The following AFAP1 variants were observed in gnomAD, a reference collection of about 807,000 sequenced individuals.
The protein encoded by AFAP1 is actin filament associated protein 1, also known as actin filament-associated protein 1.
Under a neutral mutation model 93.9 loss-of-function variants are expected in AFAP1, and 75 were observed. The ratio of observed to expected loss-of-function variants is 0.80; its 90% CI spans 0.66 to 0.97. The LOEUF (loss-of-function observed/expected upper bound fraction) is 0.97, where lower values mean the gene tolerates loss of function less well. AFAP1 is among the 50% of genes least tolerant of loss of function. The probability of loss-of-function intolerance (pLI) is 0.00; values close to 1 mark genes in which losing one functional copy is unlikely to be tolerated. For synonymous variants in AFAP1, 517 were observed against 430.7 expected (o/e 1.20, Z -2.48); for missense variants, 1,201 against 1,050.8 (o/e 1.14, Z -1.98).
At chr4:7,921,341 G>A (rs1577361190) in intron 1 of AFAP1, among the ~76,000 whole-genome samples, 2 of 151,838 alleles carry the variant, frequency 1.3e-5, no homozygotes, top group Non-Finnish European at 1.5e-5. Flanking sequence ...CCGCCACCAC[G>A]CCTGGCTAAT....
intron 17 of AFAP1, among the ~76,000 whole-genome samples, chr4:7,764,754 C>A (rs773233535): frequency 1.3e-5 from 2 of 152,120 alleles, no homozygotes; most frequent in Non-Finnish European, 2.9e-5. Flanking sequence ...GCACTGGGTG[C>A]GGCTATGTCT....
intron 9 of AFAP1, among the ~76,000 whole-genome samples, chr4:7,806,575 T>C (rs1719534924): frequency 1.3e-5 from 2 of 152,182 alleles, no homozygotes; most frequent in South Asian, 4.1e-4. Flanking sequence ...AGACTCAACT[T>C]GGCAGGCTCA....
At chr4:7,904,816 C>A (rs548402203) in intron 1 of AFAP1, among the ~76,000 whole-genome samples, 92 of 152,110 alleles carry the variant, frequency 6.0e-4, no homozygotes, top group African/African-American at 2.0e-3. Context: ...AAGAGATTCT[C>A]GCACCTCAGC....
Position 7,868,670 on chromosome 4 carries a change from C to G in AFAP1, c.177G>C (p.Leu59=). The G allele has an allele frequency of 6.2e-7, 1 of 1,613,398 alleles. No homozygotes were observed. The highest frequency in any genetic ancestry group is 8.5e-7 in the Non-Finnish European group (1 of 1,179,912). ...HAQKQETANS[L]PAPPQMPLPE... ...GCAGGGGCATCTGAGGAGGGGCTGG[C>G]AGGCTGTTAGCGGTCTCCTGCTTCT... Residue 59 remains leucine (L), a synonymous_variant, in exon 3 of 18, where the codon CTG becomes CTC. Coordinates refer to ENST00000420658, the MANE Select transcript of AFAP1 (RefSeq NM_001134647.2).
At chr4:7,881,003 T>C (rs527502443) in intron 1 of AFAP1, among the ~76,000 whole-genome samples, 188 of 152,312 alleles carry the variant, frequency 1.2e-3, no homozygotes, top group African/African-American at 4.1e-3. Flanking sequence ...AGGGCCTTGC[T>C]ACAACCAACA....
At chr4:7,880,276 G>GA (rs1560217324) in intron 1 of AFAP1, among the ~76,000 whole-genome samples, 1 of 123,082 alleles carries the variant, frequency 8.1e-6, no homozygotes, top group Non-Finnish European at 1.6e-5. Context: ...GAACCCAAAT[G>GA]CCTTTTTTTT....
intron 17 of AFAP1, among the ~76,000 whole-genome samples, chr4:7,764,462 C>A (rs1324330194): frequency 2.0e-5 from 3 of 152,112 alleles, no homozygotes; most frequent in Admixed American, 6.6e-5. Context: ...TGAGAAAGTT[C>A]TGGAGAAGGA....
intron 1 of AFAP1, among the ~76,000 whole-genome samples, chr4:7,909,464 T>C (rs1237478857): frequency 6.6e-6 from 1 of 152,212 alleles, no homozygotes; most frequent in Non-Finnish European, 1.5e-5. Context: ...AAACTAGACT[T>C]ACTCTGGTTC....
chr4:7,777,528 T>A (rs1010805596), intron 14 of AFAP1: 1 of 152,192 alleles, frequency 6.6e-6, no homozygotes, highest in Non-Finnish European at 1.5e-5. Flanking sequence ...ACAGGGCAAA[T>A]GAATGTCGGC....
Position 7,768,883 on chromosome 4 carries a change from G to A in AFAP1, c.2379C>T (p.Gly793=). 1.9e-6 allele frequency: 3 copies of A among 1,609,826 alleles called. No individual in the cohort carries two copies. The highest frequency in any genetic ancestry group is 2.5e-6 in the Non-Finnish European group (3 of 1,176,988). The change falls in exon 17 of 18, where the codon GGC becomes GGT. Residue 793 remains glycine (G), a synonymous_variant. Transcript: ENST00000420658. ...GCACATGCCCTCGGCAGGGGGAGCT[G>A]CCCGGGGCAGCCTGGCTCTTCTTCA... ...AVLKKSQAAP[G]SSPCRGHVLR...
chr4:7,917,205 T>C (rs77427059), intron 1 of AFAP1, among the ~76,000 whole-genome samples: 318 of 152,312 alleles, frequency 2.1e-3, no homozygotes, highest in Non-Finnish European at 3.4e-3. Context: ...AGGTGAGTTA[T>C]CTTTAGCTAT....
At chr4:7,882,585 G>A (rs907094992) in intron 1 of AFAP1, among the ~76,000 whole-genome samples, 1 of 152,148 alleles carries the variant, frequency 6.6e-6, no homozygotes, top group Admixed American at 6.5e-5. Context: ...TGCAGGGTGG[G>A]TGCGGTGGCT....
chr4:7,797,051 C>A (rs1449031164), intron 10 of AFAP1, among the ~76,000 whole-genome samples: 1 of 123,942 alleles, frequency 8.1e-6, no homozygotes, highest in Non-Finnish European at 1.6e-5. Flanking sequence ...CAGAGTGAGA[C>A]CTTGTCTCAA....
At chr4:7,781,944 T>C (rs1325326216) in intron 12 of AFAP1, among the ~76,000 whole-genome samples, 3 of 152,184 alleles carry the variant, frequency 2.0e-5, no homozygotes, top group Non-Finnish European at 4.4e-5. Context: ...TTTTGTCCTT[T>C]CTTTTAAAGG....
Position 7,816,096 on chromosome 4 carries a change from G to A in AFAP1, c.826C>T (p.Leu276=), listed in dbSNP as rs144440612. ...PVHKAELEKK[L]SSERPSSDGE... is the part of the protein sequence containing the mutation. ...TCTGAGCTGGGTCTCTCTGAAGACA[G>A]TTTCTGTAAGGAGAAAAAGATTAAG... Residue 276 remains leucine (L), a synonymous_variant, in exon 8 of 18, where the codon CTG becomes TTG. Transcript: ENST00000420658. 3.8e-3 allele frequency: 6,142 copies of A among 1,610,566 alleles called. 55 individuals are homozygous for A. Among genetic ancestry groups the A allele is most frequent in the South Asian group, 0.022 (2,036 of 90,532 alleles).
At chr4:7,873,864 A>G (rs1445376735) in intron 1 of AFAP1, among the ~76,000 whole-genome samples, 1 of 152,216 alleles carries the variant, frequency 6.6e-6, no homozygotes, top group Non-Finnish European at 1.5e-5. Flanking sequence ...CCTGGCAGAC[A>G]TGTTCTCAAG....
intron 12 of AFAP1, 97 bp downstream of exon 12, chr4:7,786,097 C>G: frequency 8.8e-7 from 1 of 1,138,866 alleles, no homozygotes; most frequent in Non-Finnish European, 1.3e-6. Flanking sequence ...AAAAGCTGAC[C>G]TTATTCAGAC....
In AFAP1 at chr4:7,845,918, T is replaced by C. The variant is rs146206863; in HGVS notation, c.335-2568A>G. On this transcript the variant is annotated intron_variant, in intron 4 of 17. Transcript: ENST00000420658. ...AAGATCTTTACAATCTAGGGCAAAA[T>C]GCAAGCTGTCATGGAGCCGGGCACG... Among the ~76,000 whole-genome samples the C allele has an allele frequency of 1.5e-4, 23 of 152,056 alleles. No individual in the cohort carries two copies. The East Asian group carries it at 4.3e-3, about 28-fold the overall frequency.
rs1403217295 is a variant in AFAP1 at position 7,838,819 on chromosome 4, T to C, written c.547-116A>G. 1.0e-5 allele frequency: 11 copies of C among 1,093,994 alleles called. No homozygotes were observed. The East Asian group carries it at 2.2e-4, about 22-fold the overall frequency. 67.8% of individuals were successfully genotyped at this position (1,093,994 alleles called of 1,614,324 possible). A position where few individuals can be genotyped will look rare whatever the true frequency, so the allele number is the denominator to read the frequency against. ...GGCAAGGCATCTGAAAGTCTGAATC[T>C]GCAGATGAGCAGGTTCACACACACA... On this transcript the variant is annotated intron_variant, in intron 5 of 17. Transcript: ENST00000420658.
Sources: allele counts gnomAD v4.1 joint callset (sites outside exome capture counted in the v4.1 genomes callset), GRCh38; gene constraint gnomAD v4.1.1; transcripts MANE v1.5; gene names NCBI Gene and HGNC (gene_info 2026-07-23, HGNC 2026-07-21).